The following TP73 variants were observed in gnomAD, a reference collection of about 807,000 sequenced individuals.
TP73 encodes tumor protein p73.
In TP73, 25 loss-of-function variants were observed where a neutral mutation model predicts 62.5. The observed-to-expected ratio is 0.40, with a 90% confidence interval of 0.29 to 0.56. The LOEUF is 0.56. Ranked by LOEUF, TP73 falls within the 20% of genes least tolerant of loss-of-function variation. The pLI, the probability that TP73 is intolerant of heterozygous loss-of-function variation, is 0.46. For synonymous variants in TP73, 423 were observed against 377.5 expected, an observed-to-expected ratio of 1.12 and a Z score of -1.40; for missense variants, 754 against 913.3, an observed-to-expected ratio of 0.83 and a Z score of 2.25.
chr1:3,683,965 A>G (rs1260754407), intron 3 of TP73, among the ~76,000 whole-genome samples: 1 of 152,196 alleles, frequency 6.6e-6, no homozygotes, highest in Non-Finnish European at 1.5e-5. Context: ...AGGCTCCCCC[A>G]TTCCTGGGAG....
Position 3,733,381 on chromosome 1 carries a change from G to C in TP73, c.*302G>C. The C allele has an allele frequency of 2.2e-6, 1 of 460,836 alleles. No homozygotes were observed. The highest frequency in any genetic ancestry group is 3.9e-6 in the Non-Finnish European group (1 of 256,594). 28.5% of individuals were successfully genotyped at this position (460,836 alleles called of 1,614,324 possible). A position where few individuals can be genotyped will look rare whatever the true frequency, so the allele number is the denominator to read the frequency against. On this transcript the variant is annotated 3_prime_UTR_variant, in exon 14 of 14. Coordinates refer to ENST00000378295, the MANE Select transcript of TP73 (RefSeq NM_005427.4). ...TGCCCCGGCGTGCTCCATGGCAGGC[G>C]TGGGTGGGGACCGCAGCGTCGGCTC...
rs1373856927 is a variant in TP73 at position 3,730,031 on chromosome 1, G to A, written c.1228G>A (p.Val410Ile). 1 of 1,609,232 alleles carries A rather than the reference G, an allele frequency of 6.2e-7. No individual in the cohort carries two copies. The highest frequency in any genetic ancestry group is 1.3e-5 in the African/African-American group (1 of 74,902). Residue 410 changes from valine to isoleucine, a missense_variant, in exon 11 of 14, where the codon GTC (valine) becomes ATC (isoleucine). By Grantham distance (29) the Val-to-Ile change is conservative. Transcript: ENST00000378295. ...CCTACAGCCCCCGTCCTACGGGCCG[G>A]TCCTCTCGCCCATGAACAAGGTGCA... Reference protein sequence around the residue: ...SHLQPPSYGPVLSPMNKVHGG... With the variant: ...SHLQPPSYGPILSPMNKVHGG...
rs144784097 is a variant in TP73, at chr1:3,715,974, C to T, written c.430-6047C>T. On this transcript the variant is annotated intron_variant, in intron 4 of 13. Transcript: ENST00000378295. ...GTGCACTCAGTGTCTCCCAGGGAGC[C>T]GCGCTTCCAGGCCGTTGAGAGTCCC... Among the ~76,000 whole-genome samples the T allele has an allele frequency of 4.7e-3, 720 of 152,278 alleles. 6 individuals are homozygous for T. Among genetic ancestry groups the T allele is most frequent in the African/African-American group, 0.017 (690 of 41,562 alleles).
At position 3,707,725 on chromosome 1, in the gene TP73, C is replaced by T. The variant is rs2124395264; in HGVS notation, c.363C>T (p.Tyr121=). 1 of 1,613,294 alleles carries T rather than the reference C, an allele frequency of 6.2e-7. No homozygotes were observed. Among genetic ancestry groups the T allele is most frequent in the East Asian group, 2.2e-5 (1 of 44,876 alleles). ...CTGTCATCCCCTCCAACACCGACTACCCCGGACCCCACCACTTTGAGGTCA... is the reference window on the plus strand; with the variant it reads ...CTGTCATCCCCTCCAACACCGACTATCCCGGACCCCACCACTTTGAGGTCA... The part of the protein sequence containing the change: ...PAPVIPSNTD[Y]PGPHHFEVTF... The change falls in exon 4 of 14, where the codon TAC becomes TAT. Residue 121 remains tyrosine, a synonymous_variant. Coordinates refer to ENST00000378295, the MANE Select transcript of TP73 (RefSeq NM_005427.4).
chr1:3,672,430 G>A lies in TP73; in HGVS notation c.-33-9903G>A, dbSNP rs80240660. ...ATCGGAGGGGGCAGAGGACAGGGAT[G>A]TGTCTGTGCAGAACGAGGCTGTGGC... On this transcript the variant is annotated intron_variant, in intron 1 of 13. Transcript: ENST00000378295. The surrounding 1 kb of genome is among the most constrained non-coding windows in gnomAD (Gnocchi z 5.3). Among the ~76,000 whole-genome samples the A allele has an allele frequency of 3.9e-5, 6 of 152,234 alleles. No homozygotes were observed. The highest frequency in any genetic ancestry group is 1.4e-4 in the African/African-American group (6 of 41,526).
At chr1:3,697,801 G>A (rs1392757056) in intron 3 of TP73, among the ~76,000 whole-genome samples, 2 of 152,238 alleles carry the variant, frequency 1.3e-5, no homozygotes, top group East Asian at 3.8e-4. Context: ...GCGGGGCTGG[G>A]TGATTCCTGA....
chr1:3,722,011 C>G lies in TP73; in HGVS notation c.430-10C>G. 2 of 1,598,014 alleles carry G rather than the reference C, an allele frequency of 1.3e-6. No individual in the cohort carries two copies. Among genetic ancestry groups the G allele is most frequent in the Non-Finnish European group, 1.7e-6 (2 of 1,169,476 alleles). ...CACTGGTCTCACCCGCTCCCTCTCC[C>G]CCACTCCAGTACTCCCCGCTCTTGA... On this transcript the variant is annotated splice_polypyrimidine_tract_variant and intron_variant, in intron 4 of 13. Transcript: ENST00000378295.
rs1002239169 is a variant in TP73, at chr1:3,734,405, G to C, written c.*1326G>C. The C allele has an allele frequency of 6.6e-6, 1 of 152,280 alleles. No homozygotes were observed. Among genetic ancestry groups the C allele is most frequent in the Admixed American group, 6.5e-5 (1 of 15,302 alleles). 9.4% of individuals were successfully genotyped at this position (152,280 alleles called of 1,614,324 possible). ...GGCAGGGAACCGGAGCCCCTGGGGG[G>C]CCTCACGGGTGTGACGAGGCCCTTC... On this transcript the variant is annotated 3_prime_UTR_variant, in exon 14 of 14. Coordinates refer to ENST00000378295, the MANE Select transcript of TP73 (RefSeq NM_005427.4). This position sits in a 1 kb window ranked among gnomAD's most constrained non-coding sequence, Gnocchi z 4.4.
intron 3 of TP73, among the ~76,000 whole-genome samples, chr1:3,704,259 C>A (rs1239811680): frequency 6.6e-6 from 1 of 152,172 alleles, no homozygotes; most frequent in Non-Finnish European, 1.5e-5. Flanking sequence ...CTGTATTCAC[C>A]CGTAACTGTG....
intron 1 of TP73, among the ~76,000 whole-genome samples, chr1:3,669,762 C>T (rs1016475984): frequency 6.6e-6 from 1 of 152,224 alleles, no homozygotes; most frequent in African/African-American, 2.4e-5. Context: ...CTGCCTGGGT[C>T]CTGCTTCCAG....
At chr1:3,684,636 C>T (rs1570436779) in intron 3 of TP73, among the ~76,000 whole-genome samples, 1 of 152,116 alleles carries the variant, frequency 6.6e-6, no homozygotes, top group African/African-American at 2.4e-5. Flanking sequence ...GGATGCTGGG[C>T]TGGCCCAGAG....
Position 3,727,921 on chromosome 1 carries a change from C to T in TP73, c.985+151C>T. 3.0e-6 allele frequency: 4 copies of T among 1,319,732 alleles called. No homozygotes were observed. The South Asian group carries it at 6.1e-5, about 20-fold the overall frequency. 81.8% of individuals were successfully genotyped at this position (1,319,732 alleles called of 1,614,324 possible). A position where few individuals can be genotyped will look rare whatever the true frequency, so the allele number is the denominator to read the frequency against. On this transcript the variant is annotated intron_variant, in intron 8 of 13. Transcript: ENST00000378295. ...CTCCCTGACGGAGCCTGAGAGCAGCCCCCATATAAGTCGCTTGTCCTGGGC... is the reference window on the plus strand; with the variant it reads ...CTCCCTGACGGAGCCTGAGAGCAGCTCCCATATAAGTCGCTTGTCCTGGGC...
intron 4 of TP73, among the ~76,000 whole-genome samples, chr1:3,715,380 G>T (rs1341864895): frequency 6.6e-6 from 1 of 152,172 alleles, no homozygotes; most frequent in Non-Finnish European, 1.5e-5. Flanking sequence ...TGCTTAAGGC[G>T]GGTCTCTGCC....
chr1:3,668,116 T>C (rs979194451), intron 1 of TP73, among the ~76,000 whole-genome samples: 4 of 152,198 alleles, frequency 2.6e-5, no homozygotes, highest in Non-Finnish European at 5.9e-5. Flanking sequence ...GGTTCAGGTC[T>C]TTCCTCTCCC....
intron 12 of TP73, 92 bp downstream of exon 12, chr1:3,731,157 G>T: frequency 6.6e-7 from 1 of 1,515,246 alleles, no homozygotes. Context: ...GCCCCACCCT[G>T]TGTGCTCACC....
chr1:3,690,704 G>T (rs945318194), intron 3 of TP73: 11 of 1,428,832 alleles, frequency 7.7e-6, no homozygotes, highest in Admixed American at 2.7e-5. Context: ...TAAGGGAGAT[G>T]GGAAAAGCGA....
chr1:3,734,450 A>C lies in TP73; in HGVS notation c.*1371A>C, dbSNP rs1474879275. 1.3e-5 allele frequency: 2 copies of C among 152,196 alleles called. No homozygotes were observed. Among genetic ancestry groups the C allele is most frequent in the East Asian group, 3.9e-4 (2 of 5,174 alleles). The allele number at this position is 152,196 out of a possible 1,614,324, so 9.4% of individuals were successfully genotyped here. On this transcript the variant is annotated 3_prime_UTR_variant, in exon 14 of 14. Transcript: ENST00000378295. This position sits in a 1 kb window ranked among gnomAD's most constrained non-coding sequence, Gnocchi z 4.4. ...CCCTTCATTGCAGGCAGGTGGGCCA[A>C]TGGGAGCCCTCACCCACGCAAGCCG...
chr1:3,705,916 A>T (rs1198010639), intron 3 of TP73, among the ~76,000 whole-genome samples: 1 of 152,198 alleles, frequency 6.6e-6, no homozygotes, highest in East Asian at 1.9e-4. Context: ...CACTAAACCC[A>T]ACCACCTCTG....
At chr1:3,731,614 G>A in intron 13 of TP73, 58 bp downstream of exon 13, 1 of 1,477,468 alleles carries the variant, frequency 6.8e-7, no homozygotes, top group Non-Finnish European at 9.4e-7. Context: ...CCCCTGTCCG[G>A]AGGGCAAAGA....
Sources: allele counts gnomAD v4.1 joint callset (sites outside exome capture counted in the v4.1 genomes callset), GRCh38; gene constraint gnomAD v4.1.1; non-coding constraint Gnocchi (gnomAD v3.1); transcripts MANE v1.5; gene names NCBI Gene and HGNC (gene_info 2026-07-23, HGNC 2026-07-21).